SV2B: variants seen among roughly 807,000 people sequenced by gnomAD.
SV2B encodes solute carrier family 22 member B2.
Under a neutral mutation model 73.9 loss-of-function variants are expected in SV2B, and 41 were observed. The ratio of observed to expected loss-of-function variants is 0.56; its 90% CI spans 0.43 to 0.72. The LOEUF (loss-of-function observed/expected upper bound fraction) is 0.72, where lower values mean the gene tolerates loss of function less well. Ranked by LOEUF, SV2B falls within the 30% of genes least tolerant of loss-of-function variation. SV2B has a pLI of 0.00. For synonymous variants in SV2B, 314 were observed against 314.2 expected (o/e 1.00, Z 0.01); for missense variants, 764 against 857.8 (o/e 0.89, Z 1.37).
rs2047546276 is a variant in SV2B, at chr15:91,252,906, G to A, written c.784+386G>A. ...ATGACAGGTATGTGACAAAAGCCAA[G>A]AGAAGTTGGTGACTTGCTCAAGGCC... is the stretch of plus-strand genomic sequence containing the variant. On this transcript the variant is annotated intron_variant, in intron 4 of 12. Transcript: ENST00000394232. This position sits in a 1 kb window ranked among gnomAD's most constrained non-coding sequence, Gnocchi z 4.6. Among the ~76,000 whole-genome samples, 1 of 152,286 alleles carries A rather than the reference G, an allele frequency of 6.6e-6. No individual in the cohort carries two copies. Among genetic ancestry groups the A allele is most frequent in the South Asian group, 2.1e-4 (1 of 4,826 alleles).
chr15:91,191,129 A>G (rs1397899214), intron 1 of SV2B, among the ~76,000 whole-genome samples: 1 of 132,678 alleles, frequency 7.5e-6, no homozygotes, highest in Non-Finnish European at 1.5e-5. Flanking sequence ...GCAATGGTGC[A>G]ATTTGGGCTC....
At chr15:91,217,731 A>G (rs531501353) in intron 1 of SV2B, among the ~76,000 whole-genome samples, 1 of 152,282 alleles carries the variant, frequency 6.6e-6, no homozygotes, top group Non-Finnish European at 1.5e-5. Context: ...TCACAGATAC[A>G]TGAGAAAATA....
rs1288026851 is a variant in SV2B, at chr15:91,292,690, G to A, written c.*138G>A. The A allele has an allele frequency of 1.9e-6, 2 of 1,070,024 alleles. No individual in the cohort carries two copies. Among genetic ancestry groups the A allele is most frequent in the Non-Finnish European group, 2.6e-6 (2 of 767,204 alleles). The allele number at this position is 1,070,024 out of a possible 1,614,324, so 66.3% of individuals were successfully genotyped here. ...AGTTGACTTTGTGACCCCTAGTTTA[G>A]GACCCACTTCAGCTGTCAATATGTT... On this transcript the variant is annotated 3_prime_UTR_variant, in exon 13 of 13. Transcript: ENST00000394232.
intron 1 of SV2B, among the ~76,000 whole-genome samples, chr15:91,191,817 T>A: frequency 6.6e-6 from 1 of 152,260 alleles, no homozygotes; most frequent in Admixed American, 6.5e-5. Context: ...TAGTTTGACT[T>A]TTTATATTAA....
rs1365395346 is a variant in SV2B, at chr15:91,267,829, A to AG, written c.1208+187dup. On this transcript the variant is annotated intron_variant, in intron 8 of 12. Transcript: ENST00000394232. The surrounding 1 kb of genome is among the most constrained non-coding windows in gnomAD (Gnocchi z 4.3). ...ACTTTTTTTTTTTTTTTTGAGACAG[A>AG]GTCTTGCTCTGCACCCAGGCTGGAG... Among the ~76,000 whole-genome samples, 2 of 149,138 alleles carry AG rather than the reference A, an allele frequency of 1.3e-5. No individual in the cohort carries two copies.
chr15:91,119,047 A>C (rs2042255784), intron 1 of SV2B, among the ~76,000 whole-genome samples: 1 of 152,136 alleles, frequency 6.6e-6, no homozygotes, highest in African/African-American at 2.4e-5. Context: ...AGCAGATGGA[A>C]TCCTCTGCAG....
At position 91,214,656 on chromosome 15, in the gene SV2B, A is replaced by G. The variant is rs1273874867; in HGVS notation, c.-391-11217A>G. Among the ~76,000 whole-genome samples, 1 of 152,226 alleles carries G rather than the reference A, an allele frequency of 6.6e-6. No homozygotes were observed. Among genetic ancestry groups the G allele is most frequent in the Non-Finnish European group, 1.5e-5 (1 of 68,036 alleles). On this transcript the variant is annotated intron_variant, in intron 1 of 12. Transcript: ENST00000394232. The surrounding 1 kb of genome is among the most constrained non-coding windows in gnomAD (Gnocchi z 4.7). ...CAGCCACTGTATGGCAAGAAATATC[A>G]TTAACAATTGTTTTCCCGATGAAAT...
At chr15:91,195,123 T>C (rs75583830) in intron 1 of SV2B, among the ~76,000 whole-genome samples, 7,985 of 152,220 alleles carry the variant, frequency 0.052, 675 homozygotes, top group African/African-American at 0.18. Flanking sequence ...GCTGATTCAG[T>C]AACTACTAGC....
At chr15:91,111,673 T>C (rs150943213) in intron 1 of SV2B, among the ~76,000 whole-genome samples, 227 of 152,296 alleles carry the variant, frequency 1.5e-3, no homozygotes, top group Non-Finnish European at 2.4e-3. Flanking sequence ...TTTGGTGTAT[T>C]AGTCTGTTCT....
chr15:91,213,902 G>A (rs2045944756), intron 1 of SV2B, among the ~76,000 whole-genome samples: 1 of 152,088 alleles, frequency 6.6e-6, no homozygotes, highest in African/African-American at 2.4e-5. Context: ...GAGCTGTGCT[G>A]GCCCCCAAAA....
chr15:91,274,671 T>C (rs568363753), intron 9 of SV2B, among the ~76,000 whole-genome samples: 1 of 152,328 alleles, frequency 6.6e-6, no homozygotes, highest in Admixed American at 6.5e-5. Context: ...TCACTCTTCA[T>C]CTCACCAGCT....
chr15:91,247,021 C>T (rs8031572), intron 2 of SV2B, among the ~76,000 whole-genome samples: 30,296 of 152,184 alleles, frequency 0.2, 6,505 homozygotes, highest in African/African-American at 0.54. Flanking sequence ...AATAACATAG[C>T]CATTCCAGAG....
intron 1 of SV2B, among the ~76,000 whole-genome samples, chr15:91,133,156 A>T (rs2042708424): frequency 6.6e-6 from 1 of 152,192 alleles, no homozygotes; most frequent in Non-Finnish European, 1.5e-5. Flanking sequence ...GTGGAAACTG[A>T]CACCGGTGCA....
intron 2 of SV2B, among the ~76,000 whole-genome samples, chr15:91,247,325 C>T (rs2047275695): frequency 6.6e-6 from 1 of 152,172 alleles, no homozygotes; most frequent in African/African-American, 2.4e-5. Flanking sequence ...CAACATCTAA[C>T]TTGTAAAGTT....
At chr15:91,138,555 GA>G (rs2042910896) in intron 1 of SV2B, among the ~76,000 whole-genome samples, 1 of 152,100 alleles carries the variant, frequency 6.6e-6, no homozygotes, top group Non-Finnish European at 1.5e-5. Flanking sequence ...ACAGATTGAA[GA>G]TTTTTTTAAA....
In SV2B at chr15:91,158,637, TTCTCTTCTCTTCTCTTCTCTTCTCTTCTC is replaced by T. The variant is rs2043577012; in HGVS notation, c.-392+58276_-392+58304del. Among the ~76,000 whole-genome samples the T allele has an allele frequency of 1.5e-3, 58 of 38,734 alleles. 10 individuals are homozygous for T. The highest frequency in any genetic ancestry group is 4.4e-3 in the African/African-American group (52 of 11,718). 25.4% of individuals were successfully genotyped at this position (38,734 alleles called of 152,430 possible). On this transcript the variant is annotated intron_variant, in intron 1 of 12. Transcript: ENST00000394232. ...GTGGCCTTTTCTTTTATTTTCCCTC[TTCTCTTCTCTTCTCTTCTCTTCTCTTCTC>T]TTCTCTTCTCTTCTCTTCTCTTCTC...
chr15:91,195,095 A>G (rs2045197234), intron 1 of SV2B, among the ~76,000 whole-genome samples: 1 of 152,208 alleles, frequency 6.6e-6, no homozygotes, highest in Non-Finnish European at 1.5e-5. Flanking sequence ...TTACCACAGC[A>G]TAACCTAGCC....
chr15:91,113,842 T>G (rs2042103312), intron 1 of SV2B, among the ~76,000 whole-genome samples: 1 of 152,084 alleles, frequency 6.6e-6, no homozygotes, highest in Admixed American at 6.5e-5. Flanking sequence ...GTAAGGTCTA[T>G]TTTCTGGGAT....
intron 1 of SV2B, among the ~76,000 whole-genome samples, chr15:91,125,879 C>T (rs1263893571): frequency 6.6e-6 from 1 of 151,012 alleles, no homozygotes; most frequent in Non-Finnish European, 1.5e-5. Flanking sequence ...GGTCCCCAAC[C>T]CTACTGTACT....
Sources: gnomAD v4.1 joint callset for allele counts (sites outside exome capture counted in the v4.1 genomes callset) on GRCh38, gnomAD v4.1.1 for gene constraint, Gnocchi (gnomAD v3.1) non-coding constraint, MANE v1.5 for transcripts, NCBI Gene and HGNC (gene_info 2026-07-23, HGNC 2026-07-21) for gene names.